Variants in ANK3 observed in about 807,000 individuals in gnomAD.
ANK3 encodes ankyrin-3.
Under a neutral mutation model 370.9 loss-of-function variants are expected in ANK3, and 57 were observed. That is an observed-to-expected ratio of 0.15 (90% CI 0.12 to 0.19). ANK3 has a LOEUF of 0.19. Ranked by LOEUF, ANK3 falls within the 10% of genes least tolerant of loss-of-function variation. The pLI, the probability that ANK3 is intolerant of heterozygous loss-of-function variation, is 1.00. For missense variants in ANK3, 4,439 were observed against 5,302.1 expected, an observed-to-expected ratio of 0.84 and a Z score of 5.06; for synonymous variants, 1,929 against 1,946.3, an observed-to-expected ratio of 0.99 and a Z score of 0.23.
intron 41 of ANK3, 54 bp downstream of exon 41, chr10:60,059,286 T>A: frequency 1.4e-6 from 2 of 1,462,110 alleles, no homozygotes; most frequent in Non-Finnish European, 1.9e-6. Flanking sequence ...GTATTTAAGA[T>A]AAACTATTAA....
At chr10:60,502,825 AG>A (rs2133147031) in intron 2 of ANK3, among the ~76,000 whole-genome samples, 1 of 71,412 alleles carries the variant, frequency 1.4e-5, no homozygotes, top group Non-Finnish European at 2.9e-5. Context: ...AGAAAAGAAA[AG>A]AAAGAAGGAG....
At position 60,349,999 on chromosome 10, in the gene ANK3, A is replaced by G. The variant is rs578205174; in HGVS notation, c.114+39426T>C. Among the ~76,000 whole-genome samples the G allele has an allele frequency of 3.3e-5, 5 of 152,350 alleles. No individual in the cohort carries two copies. The East Asian group carries it at 9.6e-4, about 29-fold the overall frequency. ...TGAGAATACACACCTAATAGCTAAC[A>G]TATCCATTTCCTATATATTTCAAGT... On this transcript the variant is annotated intron_variant, in intron 1 of 43. Coordinates refer to ENST00000280772, the MANE Select transcript of ANK3 (RefSeq NM_020987.5).
intron 43 of ANK3, among the ~76,000 whole-genome samples, chr10:60,036,349 T>C (rs994183535): frequency 1.3e-5 from 2 of 151,108 alleles, no homozygotes; most frequent in Non-Finnish European, 2.9e-5. Context: ...CTAGTAGCAA[T>C]AGCTGACGCT....
At chr10:60,494,762 C>T (rs973003089) in intron 2 of ANK3, among the ~76,000 whole-genome samples, 6 of 152,072 alleles carry the variant, frequency 3.9e-5, no homozygotes, top group South Asian at 2.1e-4. Context: ...TTTCTGGGAA[C>T]ATGATTTGAT....
intron 1 of ANK3, among the ~76,000 whole-genome samples, chr10:60,714,614 G>T (rs1416949087): frequency 6.6e-6 from 1 of 152,080 alleles, no homozygotes; most frequent in Non-Finnish European, 1.5e-5. Context: ...CACATCAAAA[G>T]GCTAAAGAAG....
chr10:60,399,045 A>G (rs951433253), intron 2 of ANK3, among the ~76,000 whole-genome samples: 5 of 152,222 alleles, frequency 3.3e-5, no homozygotes, highest in African/African-American at 4.8e-5. Flanking sequence ...ATGGGAATAC[A>G]TAAATATTTA....
At chr10:60,238,682 C>T (rs1474333768) in intron 7 of ANK3, among the ~76,000 whole-genome samples, 1 of 151,930 alleles carries the variant, frequency 6.6e-6, no homozygotes, top group Admixed American at 6.6e-5. Flanking sequence ...TCTCTGATGC[C>T]CCAGACTCCA....
At chr10:60,551,313 T>C (rs1452620531) in intron 2 of ANK3, among the ~76,000 whole-genome samples, 2 of 152,154 alleles carry the variant, frequency 1.3e-5, no homozygotes, top group African/African-American at 4.8e-5. Context: ...AGGGCCATTA[T>C]TGATGAAACA....
chr10:60,085,071 T>C (rs1208771580), intron 31 of ANK3, 86 bp downstream of exon 31: 1 of 1,091,646 alleles, frequency 9.2e-7, no homozygotes. Context: ...ACAATTTTTT[T>C]TAGTATTGAA....
At chr10:60,262,382 C>A (rs1431479918) in intron 6 of ANK3, among the ~76,000 whole-genome samples, 1 of 152,062 alleles carries the variant, frequency 6.6e-6, no homozygotes, top group Non-Finnish European at 1.5e-5. Flanking sequence ...ACAGTAAATG[C>A]CAATTTTCAT....
chr10:60,581,806 T>C (rs773511909), intron 2 of ANK3, among the ~76,000 whole-genome samples: 2 of 152,046 alleles, frequency 1.3e-5, no homozygotes, highest in African/African-American at 4.8e-5. Context: ...ATTTTAGGAA[T>C]TGGAAGCCAA....
chr10:60,438,760 T>C (rs1253334596), intron 2 of ANK3, among the ~76,000 whole-genome samples: 1 of 152,194 alleles, frequency 6.6e-6, no homozygotes, highest in Admixed American at 6.5e-5. Context: ...TAATTTACCA[T>C]AAGGGAAAGT....
intron 2 of ANK3, among the ~76,000 whole-genome samples, chr10:60,477,620 A>G (rs1414799826): frequency 6.6e-6 from 1 of 151,942 alleles, no homozygotes; most frequent in East Asian, 1.9e-4. Context: ...ACCAACAAGC[A>G]CAGTAACATA....
intron 28 of ANK3, among the ~76,000 whole-genome samples, chr10:60,095,227 G>A (rs149187805): frequency 3.3e-5 from 5 of 152,228 alleles, no homozygotes; most frequent in East Asian, 1.9e-4. Flanking sequence ...ATTGAGACCC[G>A]GCACACAGCA....
Position 60,069,410 on chromosome 10 carries a change from A to G in ANK3, c.11471T>C (p.Val3824Ala). The change falls in exon 37 of 44, where the codon GTG (valine) becomes GCG (alanine). Residue 3824 changes from valine to alanine, a missense_variant. Val to Ala is a moderately conservative substitution (Grantham distance 64). This residue lies in a region of ANK3 where 496 missense variants were observed against 529.3 expected (regional missense o/e 0.94). Transcript: ENST00000280772. ...TGTCTTTTTTCCTGATGAGACTTTC[A>G]CTGGGTTATCTTTCTCTGTGGTACA... is the stretch of plus-strand genomic sequence containing the variant. ...PTCTTEKDNP[V>A]KVSSGKKTGV... The G allele has an allele frequency of 6.2e-7, 1 of 1,612,692 alleles. No homozygotes were observed. Among genetic ancestry groups the G allele is most frequent in the African/African-American group, 1.3e-5 (1 of 74,602 alleles).
intron 2 of ANK3, among the ~76,000 whole-genome samples, chr10:60,599,188 C>T (rs973950974): frequency 6.6e-6 from 1 of 152,128 alleles, no homozygotes; most frequent in African/African-American, 2.4e-5. Context: ...CCCTTGGCCT[C>T]CCAAACTGCC....
chr10:60,242,487 G>C (rs1029518960), intron 7 of ANK3, among the ~76,000 whole-genome samples: 2 of 152,130 alleles, frequency 1.3e-5, no homozygotes, highest in Non-Finnish European at 1.5e-5. Context: ...GAATTGGGTA[G>C]GGGGAGAAAT....
intron 23 of ANK3, chr10:60,140,487 T>A: frequency 6.3e-7 from 1 of 1,577,192 alleles, no homozygotes; most frequent in Non-Finnish European, 8.6e-7. Flanking sequence ...GTATCCACTC[T>A]CTTCACCACC....
At chr10:60,381,946 G>A (rs1594816400) in intron 1 of ANK3, among the ~76,000 whole-genome samples, 1 of 151,956 alleles carries the variant, frequency 6.6e-6, no homozygotes, top group Non-Finnish European at 1.5e-5. Flanking sequence ...TCCCCACATC[G>A]CTCCTTATTG....
Sources: gnomAD v4.1 joint callset for allele counts (sites outside exome capture counted in the v4.1 genomes callset) on GRCh38, gnomAD v4.1.1 for gene constraint, gnomAD v4.1.1 regional missense constraint, MANE v1.5 for transcripts, NCBI Gene and HGNC (gene_info 2026-07-23, HGNC 2026-07-21) for gene names.